ZFHX4: variants seen among roughly 807,000 people sequenced by gnomAD.
ZFHX4 encodes zinc finger homeobox protein 4.
A neutral mutation model predicts 267.6 loss-of-function variants in ZFHX4; 56 were observed. That is an observed-to-expected ratio of 0.21 (90% CI 0.17 to 0.26). The LOEUF (loss-of-function observed/expected upper bound fraction) is 0.26, where lower values mean the gene tolerates loss of function less well. Ranked by LOEUF, ZFHX4 falls within the 10% of genes least tolerant of loss-of-function variation. The pLI is 1.00. For missense variants in ZFHX4, 4,332 were observed against 4,420.0 expected, an observed-to-expected ratio of 0.98 and a Z score of 0.56; for synonymous variants, 1,778 against 1,665.6, an observed-to-expected ratio of 1.07 and a Z score of -1.64.
At chr8:76,833,449 A>G (rs1325766152) in intron 5 of ZFHX4, 43 bp downstream of exon 5, 1 of 1,480,004 alleles carries the variant, frequency 6.8e-7, no homozygotes, top group African/African-American at 1.4e-5. Flanking sequence ...CTTGTCCTAA[A>G]TGAGTTGCTT....
intron 3 of ZFHX4, chr8:76,708,259 A>G: frequency 1.6e-6 from 1 of 618,504 alleles, no homozygotes; most frequent in Middle Eastern, 4.5e-4. Flanking sequence ...TGTCTCACTT[A>G]CACCTGTCTC....
chr8:76,707,274 T>G (rs915461937), intron 2 of ZFHX4, among the ~76,000 whole-genome samples: 1 of 152,130 alleles, frequency 6.6e-6, no homozygotes, highest in Non-Finnish European at 1.5e-5. Context: ...ACGTGACTGT[T>G]TTGTTATGGT....
intron 3 of ZFHX4, among the ~76,000 whole-genome samples, chr8:76,717,918 G>A (rs910041110): frequency 3.9e-5 from 6 of 152,144 alleles, no homozygotes; most frequent in Admixed American, 2.6e-4. Context: ...TTTGATAACT[G>A]TAATGTGCAG....
At chr8:76,800,104 G>A (rs887984937) in intron 4 of ZFHX4, among the ~76,000 whole-genome samples, 11 of 152,112 alleles carry the variant, frequency 7.2e-5, no homozygotes, top group African/African-American at 2.6e-4. Context: ...CCTAGCAGGA[G>A]GGGAGGAAGG....
At position 76,854,106 on chromosome 8, in the gene ZFHX4, C is replaced by T; in HGVS notation, c.7185C>T (p.Pro2395=). ...SGTSTPLIPS[P]KPEPEKTSPK... ...CCAGCACCCCCCTGATTCCATCACC[C>T]AAACCAGAACCTGAGAAGACTTCTC... Residue 2395 remains proline (P), a synonymous_variant, in exon 10 of 11, where the codon CCC becomes CCT. Transcript: ENST00000651372. The T allele has an allele frequency of 6.2e-7, 1 of 1,613,860 alleles. No individual in the cohort carries two copies. Among genetic ancestry groups the T allele is most frequent in the Middle Eastern group, 1.6e-4 (1 of 6,062 alleles).
In ZFHX4 at chr8:76,771,205, T is replaced by C. The variant is rs1810254720; in HGVS notation, c.3094-7003T>C. On this transcript the variant is annotated intron_variant, in intron 3 of 10. Transcript: ENST00000651372. ...ACCACATCTGCTTTCCCTTTCTAAT[T>C]TTACCTGCTTCATTTCTCTTCACAG... Among the ~76,000 whole-genome samples, 3 of 152,104 alleles carry C rather than the reference T, an allele frequency of 2.0e-5. No homozygotes were observed. In the South Asian group the frequency reaches 6.2e-4, roughly 31 times the overall value.
intron 3 of ZFHX4, among the ~76,000 whole-genome samples, chr8:76,739,544 A>G (rs1211963892): frequency 1.3e-5 from 2 of 152,152 alleles, no homozygotes; most frequent in Non-Finnish European, 2.9e-5. Flanking sequence ...AGGACAAGCA[A>G]TTCTTTCCAT....
chr8:76,712,667 C>T (rs1003344590), intron 3 of ZFHX4, among the ~76,000 whole-genome samples: 1 of 152,050 alleles, frequency 6.6e-6, no homozygotes, highest in African/African-American at 2.4e-5. Flanking sequence ...TTTTCTTAAT[C>T]TTATTCTAGT....
chr8:76,724,933 A>G (rs897721065), intron 3 of ZFHX4, among the ~76,000 whole-genome samples: 3 of 151,860 alleles, frequency 2.0e-5, no homozygotes, highest in African/African-American at 7.3e-5. Context: ...TTGTTTTGGG[A>G]GTTTCACTTC....
intron 1 of ZFHX4, among the ~76,000 whole-genome samples, chr8:76,686,019 GGA>G (rs1281019363): frequency 2.0e-5 from 3 of 152,150 alleles, no homozygotes; most frequent in South Asian, 2.1e-4. Context: ...GCAGAAATTT[GGA>G]GAGAGGTCAA....
intron 3 of ZFHX4, among the ~76,000 whole-genome samples, chr8:76,711,760 A>G (rs1394195680): frequency 1.3e-5 from 2 of 152,078 alleles, no homozygotes; most frequent in Non-Finnish European, 2.9e-5. Flanking sequence ...TCTAGTAAAA[A>G]GATATAATGA....
At chr8:76,827,664 T>G (rs1811822153) in intron 4 of ZFHX4, among the ~76,000 whole-genome samples, 1 of 152,168 alleles carries the variant, frequency 6.6e-6, no homozygotes, top group East Asian at 1.9e-4. Flanking sequence ...TGAAACTAAT[T>G]TATATCAGGA....
At chr8:76,782,087 G>A (rs901065621) in intron 4 of ZFHX4, 4 of 373,328 alleles carry the variant, frequency 1.1e-5, no homozygotes, top group African/African-American at 8.9e-5. Flanking sequence ...TGGATATGAT[G>A]CTTCAGTTAA....
At chr8:76,709,796 T>TGC (rs1310416914) in intron 3 of ZFHX4, among the ~76,000 whole-genome samples, 2 of 139,304 alleles carry the variant, frequency 1.4e-5, no homozygotes, top group African/African-American at 6.1e-5. Context: ...TGTGTGCGTG[T>TGC]GTGTGCGTGT....
intron 3 of ZFHX4, among the ~76,000 whole-genome samples, chr8:76,757,867 T>A (rs1044182283): frequency 2.0e-5 from 3 of 152,142 alleles, no homozygotes; most frequent in African/African-American, 7.2e-5. Context: ...AAGAGGCTCC[T>A]CCACATACGG....
At chr8:76,848,796 A>G (rs1812428479) in intron 6 of ZFHX4, among the ~76,000 whole-genome samples, 199 bp from the exon 7 acceptor site, 1 of 152,206 alleles carries the variant, frequency 6.6e-6, no homozygotes, top group Non-Finnish European at 1.5e-5. Context: ...ACATTTTAAA[A>G]TATATTTATA....
chr8:76,766,832 T>G (rs1810063338), intron 3 of ZFHX4, among the ~76,000 whole-genome samples: 1 of 147,608 alleles, frequency 6.8e-6, no homozygotes, highest in South Asian at 2.1e-4. Flanking sequence ...AATTACTATT[T>G]AAATAATTTA....
intron 4 of ZFHX4, among the ~76,000 whole-genome samples, chr8:76,822,617 G>T (rs1201942666): frequency 6.6e-6 from 1 of 151,520 alleles, no homozygotes; most frequent in Non-Finnish European, 1.5e-5. Flanking sequence ...TTTTGTTTTT[G>T]TTTGTTGTAG....
chr8:76,704,419 GACA>G lies in ZFHX4; in HGVS notation c.334_336del (p.Asn112del). On this transcript the variant is annotated inframe_deletion, in exon 2 of 11. Transcript: ENST00000651372. ...TGCCCGCCTTCCTGTCCTGAAGGAT[GACA>G]ACGAGAGCGAGATCAGCGAGTTAGA... 6.2e-7 allele frequency: 1 copy of G among 1,614,024 alleles called. No individual in the cohort carries two copies.
Sources: allele counts gnomAD v4.1 joint callset (sites outside exome capture counted in the v4.1 genomes callset), GRCh38; gene constraint gnomAD v4.1.1; transcripts MANE v1.5; gene names NCBI Gene and HGNC (gene_info 2026-07-23, HGNC 2026-07-21).